TBC1D4: variants seen among roughly 807,000 people sequenced by gnomAD.
TBC1D4 encodes the protein TBC (Tre-2, BUB2, CDC16) domain-containing protein.
Under a neutral mutation model 142.5 loss-of-function variants are expected in TBC1D4, and 121 were observed. The ratio of observed to expected loss-of-function variants is 0.85; its 90% CI spans 0.73 to 0.99. The LOEUF (loss-of-function observed/expected upper bound fraction) is 0.99. Ranked by LOEUF, TBC1D4 falls within the 50% of genes least tolerant of loss-of-function variation. TBC1D4 has a pLI of 0.00. For missense variants in TBC1D4, 1,475 were observed against 1,606.6 expected, an observed-to-expected ratio of 0.92 and a Z score of 1.40; for synonymous variants, 630 against 628.2, an observed-to-expected ratio of 1.00 and a Z score of -0.04.
chr13:75,466,171 A>C (rs1023846502), intron 1 of TBC1D4, among the ~76,000 whole-genome samples: 2 of 152,226 alleles, frequency 1.3e-5, no homozygotes, highest in Non-Finnish European at 2.9e-5. Flanking sequence ...ATCAACACCT[A>C]TTCCACAGGG....
chr13:75,307,617 C>A (rs1289350189), intron 14 of TBC1D4, among the ~76,000 whole-genome samples: 1 of 152,132 alleles, frequency 6.6e-6, no homozygotes, highest in Non-Finnish European at 1.5e-5. Flanking sequence ...AAGTCCTCGA[C>A]AGCACAAAAA....
Position 75,356,259 on chromosome 13 carries a change from G to A in TBC1D4, c.1171-8C>T, listed in dbSNP as rs759414650. 3.8e-5 allele frequency: 61 copies of A among 1,592,386 alleles called. No individual in the cohort carries two copies. The highest frequency in any genetic ancestry group is 5.1e-5 in the Non-Finnish European group (59 of 1,160,504). On this transcript the variant is annotated splice_region_variant and splice_polypyrimidine_tract_variant and intron_variant, in intron 3 of 20. Coordinates refer to ENST00000377636, the MANE Select transcript of TBC1D4 (RefSeq NM_014832.5). The stretch of plus-strand genomic sequence containing the variant: ...ATCCACATGCTTTATACCCTAGATG[G>A]AGGGGAAGAAGTGCAATAAAAATGT...
At chr13:75,353,359 C>G (rs1881773774) in intron 4 of TBC1D4, among the ~76,000 whole-genome samples, 1 of 152,194 alleles carries the variant, frequency 6.6e-6, no homozygotes, top group African/African-American at 2.4e-5. Flanking sequence ...GAACCAGCAC[C>G]TAGAAAATGA....
chr13:75,302,288 A>G lies in TBC1D4; in HGVS notation c.2866T>C (p.Leu956=), dbSNP rs1876651089. ...QPPDISYKEL[L]KQLTAQQHAI... ...TGCTGCTGAGCAGTGAGCTGCTTCAAAAGTTCCTTATAGGATATGTCAGGA... is the reference window on the plus strand; with the variant it reads ...TGCTGCTGAGCAGTGAGCTGCTTCAGAAGTTCCTTATAGGATATGTCAGGA... Residue 956 remains leucine (L), a synonymous_variant, in exon 16 of 21, where the codon TTG becomes CTG. Transcript: ENST00000377636. The G allele has an allele frequency of 5.0e-6, 8 of 1,614,238 alleles. No homozygotes were observed. The highest frequency in any genetic ancestry group is 6.8e-6 in the Non-Finnish European group (8 of 1,180,040).
intron 7 of TBC1D4, among the ~76,000 whole-genome samples, chr13:75,339,744 G>T (rs34817162): frequency 0.41 from 62,311 of 151,546 alleles, 13,467 homozygotes; most frequent in East Asian, 0.66. Context: ...CCGGCTAATT[G>T]TTTTTGTATT....
intron 15 of TBC1D4, chr13:75,302,629 T>G: frequency 1.7e-6 from 1 of 587,344 alleles, no homozygotes; most frequent in African/African-American, 1.9e-5. Flanking sequence ...AATGACAATA[T>G]TAACAATAAC....
chr13:75,361,991 TGG>T, intron 2 of TBC1D4, 33 bp downstream of exon 2: 1 of 1,613,012 alleles, frequency 6.2e-7, no homozygotes, highest in Non-Finnish European at 8.5e-7. Flanking sequence ...TGGCACCTTT[TGG>T]GGCAAGGGCA....
chr13:75,329,715 T>A lies in TBC1D4; in HGVS notation c.1732-1889A>T, dbSNP rs140287048. On this transcript the variant is annotated intron_variant, in intron 8 of 20. Coordinates refer to ENST00000377636, the MANE Select transcript of TBC1D4 (RefSeq NM_014832.5). ...AAGGGAGAGTGGGAACTAAATTTTT[T>A]AAAAAATGTACATGTCCATAAATGT... Among the ~76,000 whole-genome samples the A allele has an allele frequency of 2.4e-3, 371 of 152,280 alleles. 2 individuals are homozygous for A. Among genetic ancestry groups the A allele is most frequent in the African/African-American group, 8.7e-3 (362 of 41,560 alleles).
intron 1 of TBC1D4, among the ~76,000 whole-genome samples, chr13:75,434,864 T>C (rs1886732076): frequency 1.3e-5 from 2 of 151,108 alleles, no homozygotes; most frequent in South Asian, 2.1e-4. Context: ...TACACAATTA[T>C]AGGCCTGGTA....
chr13:75,409,925 C>T (rs2138390765), intron 1 of TBC1D4, among the ~76,000 whole-genome samples: 1 of 152,272 alleles, frequency 6.6e-6, no homozygotes, highest in African/African-American at 2.4e-5. Flanking sequence ...TCCAAAATTT[C>T]TTTCAAATAT....
At chr13:75,307,262 C>T (rs1877278826) in intron 14 of TBC1D4, among the ~76,000 whole-genome samples, 1 of 152,148 alleles carries the variant, frequency 6.6e-6, no homozygotes, top group Non-Finnish European at 1.5e-5. Flanking sequence ...GCACCCAGCC[C>T]TCCTGTGTTC....
intron 1 of TBC1D4, among the ~76,000 whole-genome samples, chr13:75,428,145 AG>A (rs1240596416): frequency 6.6e-6 from 1 of 152,170 alleles, no homozygotes; most frequent in Non-Finnish European, 1.5e-5. Context: ...GGGGTGCTTC[AG>A]TACTGTTGGG....
chr13:75,349,583 C>T (rs143617788), intron 4 of TBC1D4, among the ~76,000 whole-genome samples: 90 of 152,176 alleles, frequency 5.9e-4, no homozygotes, highest in African/African-American at 2.1e-3. Context: ...AGGGCTATGC[C>T]GTCACAGAGA....
At chr13:75,445,338 A>G (rs1355516104) in intron 1 of TBC1D4, among the ~76,000 whole-genome samples, 1 of 152,204 alleles carries the variant, frequency 6.6e-6, no homozygotes, top group African/African-American at 2.4e-5. Flanking sequence ...GTCTCAAAAT[A>G]TCTAGAACAG....
intron 5 of TBC1D4, among the ~76,000 whole-genome samples, chr13:75,346,026 T>C (rs1327580698): frequency 1.3e-5 from 2 of 152,240 alleles, no homozygotes. Context: ...AGAACTAATT[T>C]ATTTTACAGT....
At chr13:75,335,669 T>C (rs146548869) in intron 8 of TBC1D4, among the ~76,000 whole-genome samples, 5 of 152,154 alleles carry the variant, frequency 3.3e-5, no homozygotes, top group African/African-American at 1.2e-4. Flanking sequence ...TCTCATGAGA[T>C]CTGGTTGTTT....
intron 13 of TBC1D4, among the ~76,000 whole-genome samples, chr13:75,312,420 A>AG (rs1877848688): frequency 1.1e-5 from 1 of 93,588 alleles, no homozygotes; most frequent in Non-Finnish European, 2.4e-5. Context: ...CTCTGGGAAA[A>AG]AAAAAAAGAA....
chr13:75,351,778 T>G (rs1190964246), intron 4 of TBC1D4, among the ~76,000 whole-genome samples: 1 of 152,090 alleles, frequency 6.6e-6, no homozygotes, highest in East Asian at 1.9e-4. Flanking sequence ...TATTCCATGG[T>G]GTATATGTGC....
At chr13:75,292,801 G>A (rs1463352398) in intron 18 of TBC1D4, among the ~76,000 whole-genome samples, 2 of 151,096 alleles carry the variant, frequency 1.3e-5, no homozygotes, top group South Asian at 2.1e-4. Context: ...AAATATAAGA[G>A]CTACCCTAAC....
Sources: gnomAD v4.1 joint callset for allele counts (sites outside exome capture counted in the v4.1 genomes callset) on GRCh38, gnomAD v4.1.1 for gene constraint, MANE v1.5 for transcripts, NCBI Gene and HGNC (gene_info 2026-07-23, HGNC 2026-07-21) for gene names.